The following ARAP3 variants were observed in gnomAD, a reference collection of about 807,000 sequenced individuals.
The protein encoded by ARAP3 is arf-GAP with Rho-GAP domain, ANK repeat and PH domain-containing protein 3.
In ARAP3, 82 loss-of-function variants were observed where a neutral mutation model predicts 169.2. The observed-to-expected ratio is 0.48, with a 90% confidence interval of 0.41 to 0.58. The LOEUF is 0.58. Among genes scored for constraint, ARAP3 ranks in the 20% least tolerant of loss-of-function variants. The pLI is 0.00. For synonymous variants in ARAP3, 791 were observed against 800.3 expected, an observed-to-expected ratio of 0.99 and a Z score of 0.20; for missense variants, 1,764 against 2,018.0, an observed-to-expected ratio of 0.87 and a Z score of 2.41.
At chr5:141,669,006 C>T (rs1183819483) in intron 16 of ARAP3, among the ~76,000 whole-genome samples, 1 of 152,204 alleles carries the variant, frequency 6.6e-6, no homozygotes, top group East Asian at 1.9e-4. Context: ...ATGGGAGAGA[C>T]TGTCGTCATC....
In ARAP3 at chr5:141,662,183, C is replaced by G. The variant is rs369947092; in HGVS notation, c.2873G>C (p.Arg958Pro). 7 of 1,614,232 alleles carry G rather than the reference C, an allele frequency of 4.3e-6. No homozygotes were observed. The highest frequency in any genetic ancestry group is 5.9e-6 in the Non-Finnish European group (7 of 1,180,040). The change falls in exon 20 of 33, where the codon CGT becomes CCT. Residue 958 changes from arginine (R) to proline (P), a missense_variant. Physicochemically the swap from Arg to Pro is moderately radical, Grantham distance 103. This residue lies in a region of ARAP3 where 1,112 missense variants were observed against 1,285.7 expected (regional missense o/e 0.86). Coordinates refer to ENST00000239440, the MANE Select transcript of ARAP3 (RefSeq NM_022481.6). ...GAGCTTCACCGACCGGGCATCCCGA[C>G]GGAACTCAGCCAGGAGTCTCAGGCT... ...ARSLRLLAEFRRDARSVKLRP... is the reference protein window; with the variant it reads ...ARSLRLLAEFPRDARSVKLRP...
Position 141,659,375 on chromosome 5 carries a change from C to T in ARAP3, c.3336+33G>A, listed in dbSNP as rs1392603685. Reference sequence around the variant, plus strand: ...TTCCTGTCCTGATGTCTCCTCCTGCCCCATTCAGGAGACTAAGGTCAGGAC... The same window carrying T: ...TTCCTGTCCTGATGTCTCCTCCTGCTCCATTCAGGAGACTAAGGTCAGGAC... On this transcript the variant is annotated intron_variant, in intron 23 of 32. Transcript: ENST00000239440. 10 of 1,594,904 alleles carry T rather than the reference C, an allele frequency of 6.3e-6. No individual in the cohort carries two copies. The Admixed American group carries it at 6.7e-5, about 11-fold the overall frequency.
rs2099911719 is a variant in ARAP3, at chr5:141,673,484, GAGCCA to G, written c.903-19_903-15del. The G allele has an allele frequency of 6.2e-7, 1 of 1,614,164 alleles. No homozygotes were observed. The highest frequency in any genetic ancestry group is 1.3e-5 in the African/African-American group (1 of 75,026). On this transcript the variant is annotated splice_polypyrimidine_tract_variant and intron_variant, in intron 5 of 32. Transcript: ENST00000239440. ...AAGACATAGTTTCTGAGGAAGGAAG[GAGCCA>G]AGATCAGTGTTTGAGGTTGCATGGG...
chr5:141,671,133 G>T lies in ARAP3; in HGVS notation c.1990+132C>A. The T allele has an allele frequency of 1.6e-6, 2 of 1,215,116 alleles. No homozygotes were observed. Among genetic ancestry groups the T allele is most frequent in the Non-Finnish European group, 2.3e-6 (2 of 861,424 alleles). 75.3% of individuals were successfully genotyped at this position (1,215,116 alleles called of 1,614,324 possible). A position where few individuals can be genotyped will look rare whatever the true frequency, so the allele number is the denominator to read the frequency against. On this transcript the variant is annotated intron_variant, in intron 13 of 32. Transcript: ENST00000239440. This position sits in a 1 kb window ranked among gnomAD's most constrained non-coding sequence, Gnocchi z 4.9. The stretch of plus-strand genomic sequence containing the variant: ...TGACATCAGGAGATAGGCCCTGGAG[G>T]ATCTGAGGGTTTGGGAAACTGCCCA...
In ARAP3 at chr5:141,666,022, G is replaced by C. The variant is rs540675896; in HGVS notation, c.2572+402C>G. On this transcript the variant is annotated intron_variant, in intron 17 of 32. Coordinates refer to ENST00000239440, the MANE Select transcript of ARAP3 (RefSeq NM_022481.6). ...CCCTTGCACTCCAGCCTGGGGGACA[G>C]AGCGTGACTCTGTCTCCAAAAAAAA... is the stretch of plus-strand genomic sequence containing the variant. Among the ~76,000 whole-genome samples, 347 of 141,898 alleles carry C rather than the reference G, an allele frequency of 2.4e-3. 1 individual carries two copies. Among genetic ancestry groups the C allele is most frequent in the Non-Finnish European group, 3.5e-3 (233 of 66,346 alleles). The allele number at this position is 141,898 out of a possible 152,430, so 93.1% of individuals were successfully genotyped here.
chr5:141,669,640 AG>A, intron 16 of ARAP3, 68 bp downstream of exon 16: 1 of 1,419,602 alleles, frequency 7.0e-7, no homozygotes, highest in Non-Finnish European at 9.9e-7. Context: ...GGAATAAGAG[AG>A]GAGAAGATGG....
chr5:141,681,147 C>G (rs549265151), intron 1 of ARAP3, among the ~76,000 whole-genome samples: 1 of 152,244 alleles, frequency 6.6e-6, no homozygotes, highest in East Asian at 1.9e-4. Context: ...GTCAGGCTGC[C>G]GGGAGAGCCC....
At position 141,674,914 on chromosome 5, in the gene ARAP3, G is replaced by A. The variant is rs553026774; in HGVS notation, c.699-1106C>T. 1.1e-4 allele frequency among the ~76,000 whole-genome samples: 17 copies of A among 152,298 alleles called. No individual in the cohort carries two copies. In the East Asian group the frequency reaches 3.1e-3, roughly 28 times the overall value. On this transcript the variant is annotated intron_variant, in intron 4 of 32. Transcript: ENST00000239440. ...CTTATTCTCCCACAGGCACCAAAGT[G>A]TTCTTTTACAAATGCAGATGAGACC...
Position 141,656,557 on chromosome 5 carries a change from C to G in ARAP3, c.3736G>C (p.Glu1246Gln), listed in dbSNP as rs190641820. The G allele has an allele frequency of 2.7e-5, 43 of 1,612,988 alleles. No homozygotes were observed. The Admixed American group carries it at 5.2e-4, about 19-fold the overall frequency. ...PPRLLGSRFQ[E>Q]RFFLLRGRCL... ...CGGCCACGCAGCAGAAAGAACCTCT[C>G]CTGGAAGCGGCTTCCCAGCAAGCGA... Residue 1246 changes from glutamate (E) to glutamine (Q), a missense_variant, in exon 27 of 33, where the codon GAG (glutamate) becomes CAG (glutamine). Physicochemically the swap from Glu to Gln is conservative, Grantham distance 29 (BLOSUM62 2). This residue lies in a region of ARAP3 where 1,112 missense variants were observed against 1,285.7 expected (regional missense o/e 0.86). Coordinates refer to ENST00000239440, the MANE Select transcript of ARAP3 (RefSeq NM_022481.6).
chr5:141,666,051 A>AAT (rs1562412604), intron 17 of ARAP3, among the ~76,000 whole-genome samples: 1 of 146,320 alleles, frequency 6.8e-6, no homozygotes. Context: ...AAAAAAAAAA[A>AAT]AAATAATAAT....
At chr5:141,656,908 T>C (rs2099909333) in intron 25 of ARAP3, 62 bp from the exon 26 acceptor site, 1 of 1,542,866 alleles carries the variant, frequency 6.5e-7, no homozygotes, top group African/African-American at 1.4e-5. Context: ...CCCCCAGCTC[T>C]CACCAGTCAT....
intron 17 of ARAP3, among the ~76,000 whole-genome samples, chr5:141,666,052 A>AAATAAT (rs1161155267): frequency 2.8e-5 from 4 of 140,854 alleles, no homozygotes; most frequent in Non-Finnish European, 6.1e-5. Flanking sequence ...AAAAAAAAAA[A>AAATAAT]AATAATAATA....
Position 141,666,482 on chromosome 5 carries a change from C to G in ARAP3, c.2514G>C (p.Pro838=). Residue 838 remains proline, a synonymous_variant, in exon 17 of 33, where the codon CCG becomes CCC. Transcript: ENST00000239440. ...RGDHLFLCSA[P]GPGPPAPEDM... is the part of the protein sequence containing the mutation. Reference sequence around the variant, plus strand: ...CCTCAGGGGCTGGGGGGCCTGGGCCCGGCGCTGAGCACAGGAAGAGGTGGT... The same window carrying G: ...CCTCAGGGGCTGGGGGGCCTGGGCCGGGCGCTGAGCACAGGAAGAGGTGGT... The G allele has an allele frequency of 6.3e-7, 1 of 1,599,070 alleles. No homozygotes were observed. Among genetic ancestry groups the G allele is most frequent in the Non-Finnish European group, 8.5e-7 (1 of 1,172,776 alleles).
intron 21 of ARAP3, among the ~76,000 whole-genome samples, chr5:141,660,809 T>C (rs955542701): frequency 5.3e-5 from 8 of 152,004 alleles, no homozygotes; most frequent in Non-Finnish European, 1.0e-4. Flanking sequence ...ATCAGTGCAA[T>C]ACAGAAATGG....
At chr5:141,677,394 G>A (rs2080183763) in intron 4 of ARAP3, among the ~76,000 whole-genome samples, 1 of 152,190 alleles carries the variant, frequency 6.6e-6, no homozygotes, top group Admixed American at 6.5e-5. Context: ...CATAGGCCCA[G>A]TAGTCACATG....
intron 18 of ARAP3, 67 bp downstream of exon 18, chr5:141,665,244 C>G: frequency 6.3e-7 from 1 of 1,592,580 alleles, no homozygotes; most frequent in Middle Eastern, 1.7e-4. Context: ...GCCCAGCAGG[C>G]CAGGTTGCAG....
intron 1 of ARAP3, chr5:141,680,769 T>G: frequency 2.0e-6 from 1 of 501,882 alleles, no homozygotes; most frequent in Non-Finnish European, 3.4e-6. Context: ...AGTGCTAGAG[T>G]TGGCCCCTCA....
At chr5:141,679,524 A>G (rs537680344) in intron 4 of ARAP3, 21 bp downstream of exon 4, 2 of 1,607,862 alleles carry the variant, frequency 1.2e-6, no homozygotes, top group African/African-American at 1.3e-5. Context: ...CCCTCCCACC[A>G]CTTCCCTATT....
At chr5:141,681,974 G>A (rs1360889475) in intron 1 of ARAP3, among the ~76,000 whole-genome samples, 199 bp downstream of exon 1, 1 of 151,566 alleles carries the variant, frequency 6.6e-6, no homozygotes, top group Non-Finnish European at 1.5e-5. Context: ...GCGGGCAGTG[G>A]CGGGCAGCGC....
Sources: allele counts gnomAD v4.1 joint callset (sites outside exome capture counted in the v4.1 genomes callset), GRCh38; gene constraint gnomAD v4.1.1; regional missense constraint gnomAD v4.1.1; non-coding constraint Gnocchi (gnomAD v3.1); transcripts MANE v1.5; gene names NCBI Gene and HGNC (gene_info 2026-07-23, HGNC 2026-07-21).